HMGB1: variants seen among roughly 807,000 people sequenced by gnomAD.
The protein encoded by HMGB1 is high mobility group box 1.
For missense variants in HMGB1, 79 were observed against 253.5 expected (o/e 0.31, Z 4.67); for synonymous variants, 81 against 84.0 (o/e 0.96, Z 0.19).
intron 1 of HMGB1, among the ~76,000 whole-genome samples, chr13:30,515,069 G>A (rs949824647): frequency 6.6e-6 from 1 of 152,218 alleles, no homozygotes; most frequent in Non-Finnish European, 1.5e-5. Flanking sequence ...AAAGCAGAGC[G>A]CTGGAGGCAG....
chr13:30,513,025 T>C (rs1172012965), intron 1 of HMGB1, among the ~76,000 whole-genome samples: 1 of 152,086 alleles, frequency 6.6e-6, no homozygotes, highest in Non-Finnish European at 1.5e-5. Flanking sequence ...TAGCAAGGCG[T>C]GATGGTGGAC....
chr13:30,510,611 T>C (rs17074681), intron 1 of HMGB1, among the ~76,000 whole-genome samples: 27,591 of 152,098 alleles, frequency 0.18, 3,489 homozygotes, highest in African/African-American at 0.36. Flanking sequence ...TCAGTTTGTA[T>C]GAAAATACCA....
chr13:30,530,404 G>C (rs1267155721), intron 1 of HMGB1, among the ~76,000 whole-genome samples: 1 of 152,220 alleles, frequency 6.6e-6, no homozygotes, highest in Non-Finnish European at 1.5e-5. Flanking sequence ...TACTCAACTT[G>C]TGCAGGTAAA....
chr13:30,496,791 G>A (rs1194581618), intron 1 of HMGB1, among the ~76,000 whole-genome samples: 1 of 152,074 alleles, frequency 6.6e-6, no homozygotes, highest in Admixed American at 6.6e-5. Context: ...AATGTGTTTT[G>A]GGATTTTTTA....
intron 1 of HMGB1, among the ~76,000 whole-genome samples, chr13:30,567,232 T>C (rs747435871): frequency 8.5e-5 from 13 of 152,180 alleles, no homozygotes; most frequent in Non-Finnish European, 1.6e-4. Flanking sequence ...GTCTTTCCTT[T>C]TTCAGCCCCT....
chr13:30,498,813 A>G (rs1887671248), intron 1 of HMGB1, among the ~76,000 whole-genome samples: 1 of 151,490 alleles, frequency 6.6e-6, no homozygotes, highest in Non-Finnish European at 1.5e-5. Flanking sequence ...ATACCCGGCT[A>G]ATTTCTGTAT....
At chr13:30,515,875 G>A (rs1593285799) in intron 1 of HMGB1, among the ~76,000 whole-genome samples, 1 of 152,122 alleles carries the variant, frequency 6.6e-6, no homozygotes, top group African/African-American at 2.4e-5. Context: ...AGAGTTTACA[G>A]GTAAAATTTC....
intron 1 of HMGB1, among the ~76,000 whole-genome samples, chr13:30,516,469 G>C (rs1389289501): frequency 6.6e-6 from 1 of 152,112 alleles, no homozygotes; most frequent in African/African-American, 2.4e-5. Flanking sequence ...AATAGTTTCA[G>C]CCATACCATA....
At chr13:30,588,748 C>G (rs1235003863) in intron 1 of HMGB1, among the ~76,000 whole-genome samples, 1 of 151,918 alleles carries the variant, frequency 6.6e-6, no homozygotes, top group Admixed American at 6.6e-5. Context: ...GAAACCCCGT[C>G]TCTACTAAAA....
Position 30,509,815 on chromosome 13 carries a change from A to T in HMGB1, c.-14-46121T>A, listed in dbSNP as rs556391699. Among the ~76,000 whole-genome samples the T allele has an allele frequency of 3.9e-5, 6 of 152,322 alleles. No individual in the cohort carries two copies. The East Asian group carries it at 1.2e-3, about 29-fold the overall frequency. On this transcript the variant is annotated intron_variant, in intron 1 of 4. Transcript: ENST00000405805. ...TGGATCTAAAATAAACCCGCGGTGT[A>T]GATACTATCTTCTTCATTTCCCGTA...
intron 1 of HMGB1, among the ~76,000 whole-genome samples, chr13:30,605,548 C>CA (rs1180449669): frequency 6.6e-6 from 1 of 152,212 alleles, no homozygotes; most frequent in African/African-American, 2.4e-5. Flanking sequence ...CAAGGACCAC[C>CA]AGGTCTGGCA....
At chr13:30,479,229 C>T (rs1031700272) in intron 1 of HMGB1, among the ~76,000 whole-genome samples, 6 of 152,124 alleles carry the variant, frequency 3.9e-5, no homozygotes, top group African/African-American at 1.2e-4. Context: ...GACCTTAGTC[C>T]GAATCTTTGC....
chr13:30,504,952 A>C (rs927406263), intron 1 of HMGB1, among the ~76,000 whole-genome samples: 5 of 152,058 alleles, frequency 3.3e-5, no homozygotes, highest in African/African-American at 1.2e-4. Flanking sequence ...CATTTTCAAA[A>C]TACCAACGAT....
intron 3 of HMGB1, among the ~76,000 whole-genome samples, chr13:30,463,000 G>C (rs1424960588): frequency 6.6e-6 from 1 of 152,206 alleles, no homozygotes; most frequent in African/African-American, 2.4e-5. Flanking sequence ...CTGGGCAAAG[G>C]AGACCAAATG....
rs1333834772 is a variant in HMGB1 at position 30,538,712 on chromosome 13, TTTC to T, written c.-14-75021_-14-75019del. Among the ~76,000 whole-genome samples, 7 of 143,134 alleles carry T rather than the reference TTTC, an allele frequency of 4.9e-5. 1 individual carries two copies. The South Asian group carries it at 1.1e-3, about 23-fold the overall frequency. The allele number at this position is 143,134 out of a possible 152,430, so 93.9% of individuals were successfully genotyped here. A position where few individuals can be genotyped will look rare whatever the true frequency, so the allele number is the denominator to read the frequency against. On this transcript the variant is annotated intron_variant, in intron 1 of 4. Transcript: ENST00000405805. ...TTCTTTCTTTCTTTCTTTTTCTTTC[TTTC>T]TTCTTTTTCTTTCTTTTTCTTTCTT...
At chr13:30,525,033 T>C (rs1272523757) in intron 1 of HMGB1, among the ~76,000 whole-genome samples, 5 of 152,320 alleles carry the variant, frequency 3.3e-5, no homozygotes, top group African/African-American at 4.8e-5. Context: ...AAATATGGCT[T>C]TGAAGTCTAA....
chr13:30,597,556 A>G (rs1158745611), intron 1 of HMGB1, among the ~76,000 whole-genome samples: 1 of 152,254 alleles, frequency 6.6e-6, no homozygotes, highest in Admixed American at 6.5e-5. Flanking sequence ...GGATAATCCT[A>G]TGAAATGCTA....
At chr13:30,608,635 G>A (rs1402434187) in intron 1 of HMGB1, among the ~76,000 whole-genome samples, 1 of 152,142 alleles carries the variant, frequency 6.6e-6, no homozygotes, top group Non-Finnish European at 1.5e-5. Flanking sequence ...GACTGAAGAG[G>A]GTCATTTGTT....
At position 30,505,974 on chromosome 13, in the gene HMGB1, C is replaced by G. The variant is rs142610677; in HGVS notation, c.-14-42280G>C. ...CCCTGGCGTCTGGTGATCAGCCTGC[C>G]TCTCGGCCTCCCAAAGTGCTGAGAT... On this transcript the variant is annotated intron_variant, in intron 1 of 4. Coordinates refer to the HMGB1 transcript ENST00000405805. Among the ~76,000 whole-genome samples, 342 of 151,566 alleles carry G rather than the reference C, an allele frequency of 2.3e-3. 1 individual carries two copies. The highest frequency in any genetic ancestry group is 7.8e-3 in the African/African-American group (324 of 41,318).
Sources: gnomAD v4.1 joint callset for allele counts (sites outside exome capture counted in the v4.1 genomes callset) on GRCh38, gnomAD v4.1.1 for gene constraint, MANE v1.5 for transcripts, NCBI Gene and HGNC (gene_info 2026-07-23, HGNC 2026-07-21) for gene names.